LINGO2: variants seen among roughly 807,000 people sequenced by gnomAD.
LINGO2 encodes the protein leucine rich repeat and Ig domain containing 2, also known as leucine-rich repeat and immunoglobulin-like domain-containing nogo receptor-interacting protein 2.
In LINGO2, 14 loss-of-function variants were observed where a neutral mutation model predicts 30.6. The ratio of observed to expected loss-of-function variants is 0.46; its 90% CI spans 0.30 to 0.72. The LOEUF is 0.72. LINGO2 is among the 30% of genes least tolerant of loss of function. The pLI is 0.07. For missense variants in LINGO2, 729 were observed against 751.7 expected (o/e 0.97, Z 0.35); for synonymous variants, 317 against 288.5 (o/e 1.10, Z -1.00).
chr9:28,044,703 CAG>C (rs1188139313), intron 4 of LINGO2, among the ~76,000 whole-genome samples: 1 of 151,904 alleles, frequency 6.6e-6, no homozygotes, highest in African/African-American at 2.4e-5. Context: ...TCCAAACGAG[CAG>C]AGAGATGTGA....
chr9:28,732,091 A>G, the LINGO2 span, among the ~76,000 whole-genome samples: 1 of 152,136 alleles, frequency 6.6e-6, no homozygotes, highest in Non-Finnish European at 1.5e-5. Flanking sequence ...GATAAGGAGG[A>G]GCTAGAACAA....
At chr9:28,719,623 C>T in the LINGO2 span, among the ~76,000 whole-genome samples, 1 of 151,898 alleles carries the variant, frequency 6.6e-6, no homozygotes, top group Admixed American at 6.6e-5. Flanking sequence ...TTTATGTTTT[C>T]CCCCTTTTTA....
At chr9:28,669,347 T>G (rs1435369748) in intron 1 of LINGO2, among the ~76,000 whole-genome samples, 1 of 152,098 alleles carries the variant, frequency 6.6e-6, no homozygotes, top group Non-Finnish European at 1.5e-5. Context: ...GCTTCATTTC[T>G]TAGCCTTCAT....
At chr9:29,170,128 G>A in the LINGO2 span, among the ~76,000 whole-genome samples, 44 of 152,228 alleles carry the variant, frequency 2.9e-4, no homozygotes, top group East Asian at 1.4e-3. Context: ...AGAAATCACC[G>A]TATCAAAAAG....
intron 1 of LINGO2, among the ~76,000 whole-genome samples, chr9:28,598,122 C>T (rs1163091207): frequency 1.3e-5 from 2 of 152,040 alleles, no homozygotes; most frequent in African/African-American, 4.8e-5. Context: ...AGCTTATAGA[C>T]AGCTATGATA....
intron 1 of LINGO2, among the ~76,000 whole-genome samples, chr9:28,633,646 C>G (rs993289584): frequency 6.6e-6 from 1 of 152,092 alleles, no homozygotes; most frequent in Non-Finnish European, 1.5e-5. Context: ...ACAGGCCTGC[C>G]CTACTTCCTC....
chr9:28,941,438 C>T, the LINGO2 span, among the ~76,000 whole-genome samples: 1 of 152,108 alleles, frequency 6.6e-6, no homozygotes, highest in African/African-American at 2.4e-5. Context: ...GTCTCCTTGG[C>T]ATTTACATGC....
the LINGO2 span, among the ~76,000 whole-genome samples, chr9:29,052,693 C>A: frequency 2.0e-5 from 3 of 152,154 alleles, no homozygotes; most frequent in African/African-American, 4.8e-5. Context: ...TCTCATTGAA[C>A]AAACTCCTTG....
chr9:29,021,681 AAAGGAAGGAAGGAAGGAAGG>A, the LINGO2 span, among the ~76,000 whole-genome samples: 399 of 93,674 alleles, frequency 4.3e-3, no homozygotes, highest in African/African-American at 4.7e-3. Context: ...GAAAGAAAAG[AAAGGAAGGAAGGAAGGAAGG>A]AAGGAAGGAA....
the LINGO2 span, among the ~76,000 whole-genome samples, chr9:29,114,147 G>C: frequency 2.0e-5 from 3 of 151,318 alleles, no homozygotes; most frequent in Non-Finnish European, 2.9e-5. Flanking sequence ...ATCTGTGAAT[G>C]ACACCCATTT....
At chr9:28,417,951 T>C (rs940910040) in intron 2 of LINGO2, among the ~76,000 whole-genome samples, 11 of 152,292 alleles carry the variant, frequency 7.2e-5, no homozygotes, top group Admixed American at 2.0e-4. Flanking sequence ...AAAACTCTAA[T>C]CATTAACTCC....
At chr9:28,096,325 T>A (rs1826241246) in intron 4 of LINGO2, among the ~76,000 whole-genome samples, 1 of 152,208 alleles carries the variant, frequency 6.6e-6, no homozygotes, top group Admixed American at 6.5e-5. Flanking sequence ...ATTAGACACA[T>A]TTACACTACA....
At chr9:28,557,788 C>T (rs1405199223) in intron 1 of LINGO2, among the ~76,000 whole-genome samples, 2 of 151,656 alleles carry the variant, frequency 1.3e-5, no homozygotes, top group Non-Finnish European at 2.9e-5. Flanking sequence ...AAATGTGGCA[C>T]ATATACACCA....
At chr9:28,239,797 G>C (rs1229566077) in intron 4 of LINGO2, among the ~76,000 whole-genome samples, 1 of 152,018 alleles carries the variant, frequency 6.6e-6, no homozygotes, top group Non-Finnish European at 1.5e-5. Flanking sequence ...AATTAGACAA[G>C]AGAAAGAAAT....
chr9:28,689,824 T>C, the LINGO2 span, among the ~76,000 whole-genome samples: 3 of 152,096 alleles, frequency 2.0e-5, no homozygotes, highest in Non-Finnish European at 4.4e-5. Flanking sequence ...TCAACCTAAA[T>C]GACCATCAAT....
At chr9:28,333,109 A>C (rs1825479162) in intron 3 of LINGO2, among the ~76,000 whole-genome samples, 1 of 152,232 alleles carries the variant, frequency 6.6e-6, no homozygotes, top group African/African-American at 2.4e-5. Flanking sequence ...ACACATCCAC[A>C]GGAAACATCA....
the LINGO2 span, among the ~76,000 whole-genome samples, chr9:28,876,519 C>T: frequency 2.6e-5 from 4 of 151,898 alleles, no homozygotes; most frequent in African/African-American, 9.7e-5. Context: ...TTTGTCCTTG[C>T]TATACTTTAC....
intron 4 of LINGO2, among the ~76,000 whole-genome samples, chr9:28,017,574 A>T (rs1392323940): frequency 3.9e-5 from 6 of 152,280 alleles, no homozygotes; most frequent in Admixed American, 2.0e-4. Context: ...TATCGGCAAC[A>T]TCCAAGCTGA....
intron 2 of LINGO2, among the ~76,000 whole-genome samples, chr9:28,471,563 T>C (rs929100323): frequency 5.0e-4 from 76 of 152,118 alleles, no homozygotes; most frequent in African/African-American, 1.8e-3. Flanking sequence ...ACACGAACAA[T>C]AGCACCATTC....
Sources: gnomAD v4.1 joint callset for allele counts (sites outside exome capture counted in the v4.1 genomes callset) on GRCh38, gnomAD v4.1.1 for gene constraint, MANE v1.5 for transcripts, NCBI Gene and HGNC (gene_info 2026-07-23, HGNC 2026-07-21) for gene names.